CCNJ: variants seen among roughly 807,000 people sequenced by gnomAD.
CCNJ encodes cyclin-J.
In CCNJ, 12 loss-of-function variants were observed where a neutral mutation model predicts 41.4. That is an observed-to-expected ratio of 0.29 (90% confidence interval 0.19 to 0.47). The LOEUF (loss-of-function observed/expected upper bound fraction) is 0.47, where lower values mean the gene tolerates loss of function less well. CCNJ is among the 20% of genes least tolerant of loss of function. CCNJ has a pLI of 1.00. For missense variants in CCNJ, 340 were observed against 464.6 expected, an observed-to-expected ratio of 0.73 and a Z score of 2.47; for synonymous variants, 161 against 173.4, an observed-to-expected ratio of 0.93 and a Z score of 0.56.
rs577637894 is a variant in CCNJ, at chr10:96,060,496, G to A, written c.*2255G>A. The A allele has an allele frequency of 1.3e-5, 2 of 152,622 alleles. No individual in the cohort carries two copies. The highest frequency in any genetic ancestry group is 3.9e-4 in the East Asian group (2 of 5,186). 9.5% of individuals were successfully genotyped at this position (152,622 alleles called of 1,614,324 possible). On this transcript the variant is annotated 3_prime_UTR_variant, in exon 6 of 6. Transcript: ENST00000465148. ...ATACCCGGGGTGGGATGGGGTGGTT[G>A]GAGAACCAGAACTATTTTTAAAACA...
chr10:96,044,584 G>A (rs2080309009), intron 2 of CCNJ, 122 bp downstream of exon 2: 4 of 721,748 alleles, frequency 5.5e-6, no homozygotes, highest in Non-Finnish European at 8.0e-6. Flanking sequence ...GAAAAGGCGA[G>A]TTTGCTCATT....
At chr10:96,054,481 T>C (rs1422394427) in intron 3 of CCNJ, among the ~76,000 whole-genome samples, 3 of 152,182 alleles carry the variant, frequency 2.0e-5, no homozygotes, top group Non-Finnish European at 2.9e-5. Flanking sequence ...ACCCCAAGTA[T>C]GGTTATTTAT....
In CCNJ at chr10:96,050,329, C is replaced by A; in HGVS notation, c.143C>A (p.Ala48Asp). ...SLRRYFADLIAIVSNRFTLCP... is the reference protein window; with the variant it reads ...SLRRYFADLIDIVSNRFTLCP... ...AGACGGTATTTTGCTGACTTGATTG[C>A]CATTGTGAGCAATCGCTTCACACTC... The change falls in exon 3 of 6, where the codon GCC becomes GAC. Residue 48 changes from alanine to aspartate, a missense_variant. Physicochemically the swap from Ala to Asp is moderately radical, Grantham distance 126. This residue lies in a region of CCNJ where 137 missense variants were observed against 252.9 expected (regional missense o/e 0.54). Coordinates refer to ENST00000465148, the MANE Select transcript of CCNJ (RefSeq NM_001134375.2). 1 of 1,614,024 alleles carries A rather than the reference C, an allele frequency of 6.2e-7. No homozygotes were observed. Among genetic ancestry groups the A allele is most frequent in the Non-Finnish European group, 8.5e-7 (1 of 1,179,958 alleles).
chr10:96,054,813 T>C (rs1048600458), intron 3 of CCNJ, among the ~76,000 whole-genome samples: 3 of 152,242 alleles, frequency 2.0e-5, no homozygotes, highest in Non-Finnish European at 2.9e-5. Context: ...TTCTTGCTCC[T>C]TGAATTATGA....
intron 3 of CCNJ, among the ~76,000 whole-genome samples, chr10:96,055,627 G>A (rs1349689324): frequency 6.6e-6 from 1 of 152,228 alleles, no homozygotes; most frequent in Non-Finnish European, 1.5e-5. Flanking sequence ...ACATTCTGGG[G>A]CTGGAAAGAG....
intron 2 of CCNJ, among the ~76,000 whole-genome samples, chr10:96,048,151 GTCTGTATGTACCACATTTTA>G (rs2080416912): frequency 1.3e-5 from 2 of 152,146 alleles, no homozygotes; most frequent in Non-Finnish European, 2.9e-5. Flanking sequence ...GTATTCCATG[GTCTGTATGTACCACATTTTA>G]TCCAGTCTAT....
rs762129758 is a variant in CCNJ, at chr10:96,050,420, T to C, written c.234T>C (p.Ser78=). 31 of 1,613,996 alleles carry C rather than the reference T, an allele frequency of 1.9e-5. No homozygotes were observed. In the Admixed American group the frequency reaches 4.5e-4, roughly 23 times the overall value. Residue 78 remains serine, a synonymous_variant, in exon 3 of 6, where the codon TCT becomes TCC. Transcript: ENST00000465148. The part of the protein sequence containing the change: ...LDLFMDRYDI[S]IQQLHLVALS... ...TGTTTATGGACCGCTATGACATCTCTATCCAGCAGCTGCATTTAGTTGCGC... is the reference window on the plus strand; with the variant it reads ...TGTTTATGGACCGCTATGACATCTCCATCCAGCAGCTGCATTTAGTTGCGC...
intron 3 of CCNJ, among the ~76,000 whole-genome samples, chr10:96,050,709 G>C (rs1469525320): frequency 6.6e-6 from 1 of 152,120 alleles, no homozygotes; most frequent in Non-Finnish European, 1.5e-5. Flanking sequence ...GATCTACTAA[G>C]ACAAAATCTA....
At chr10:96,053,238 T>C (rs968120058) in intron 3 of CCNJ, among the ~76,000 whole-genome samples, 1 of 89,782 alleles carries the variant, frequency 1.1e-5, no homozygotes, top group East Asian at 3.7e-4. Flanking sequence ...ATGACCATAG[T>C]GATGGATTCC....
chr10:96,051,865 C>G (rs897012533), intron 3 of CCNJ, among the ~76,000 whole-genome samples: 1 of 152,160 alleles, frequency 6.6e-6, no homozygotes, highest in African/African-American at 2.4e-5. Flanking sequence ...TAGAACCAGG[C>G]TGAATGTAAA....
At chr10:96,056,653 T>C in intron 3 of CCNJ, 48 bp from the exon 4 acceptor site, 1 of 1,387,770 alleles carries the variant, frequency 7.2e-7, no homozygotes, top group South Asian at 1.4e-5. Flanking sequence ...CCAATAATGA[T>C]CACTTGCCTG....
upstream of CCNJ, chr10:96,043,417 A>T: frequency 8.1e-6 from 3 of 371,482 alleles, no homozygotes; most frequent in Non-Finnish European, 1.4e-5. Context: ...GACCGTACCC[A>T]GGCGGGAGCC....
chr10:96,052,669 C>A (rs1419428026), intron 3 of CCNJ, among the ~76,000 whole-genome samples: 2 of 152,166 alleles, frequency 1.3e-5, no homozygotes, highest in Non-Finnish European at 2.9e-5. Flanking sequence ...GTGACTCTTT[C>A]CAGTAATTAG....
chr10:96,057,366 A>T, intron 5 of CCNJ, 119 bp downstream of exon 5: 1 of 825,416 alleles, frequency 1.2e-6, no homozygotes. Flanking sequence ...TTTTGGCAGC[A>T]GTTACTTGCT....
Position 96,057,869 on chromosome 10 carries a change from A to C in CCNJ, c.780A>C (p.Arg260Ser), listed in dbSNP as rs747194039. 6.2e-7 allele frequency: 1 copy of C among 1,614,094 alleles called. No individual in the cohort carries two copies. Among genetic ancestry groups the C allele is most frequent in the Admixed American group, 1.7e-5 (1 of 60,016 alleles). ...ATGTGAAAGAAGCAAACAAACAGAGAGGGCAAGCAGGACCTCAGTCAGCGC... is the reference window on the plus strand; with the variant it reads ...ATGTGAAAGAAGCAAACAAACAGAGCGGGCAAGCAGGACCTCAGTCAGCGC... ...DNDVKEANKQ[R>S]GQAGPQSAQL... Residue 260 changes from arginine (R) to serine (S), a missense_variant, in exon 6 of 6, where the codon AGA becomes AGC. Arg to Ser is a moderately radical substitution (Grantham distance 110). Around this residue, in one of 3 missense-constraint regions of CCNJ, gnomAD observed 159 missense variants for 168.2 expected, o/e 0.95. Coordinates refer to ENST00000465148, the MANE Select transcript of CCNJ (RefSeq NM_001134375.2).
intron 3 of CCNJ, among the ~76,000 whole-genome samples, chr10:96,055,054 A>G (rs917906787): frequency 6.6e-6 from 1 of 152,138 alleles, no homozygotes; most frequent in Non-Finnish European, 1.5e-5. Flanking sequence ...TTTTCAGGCA[A>G]TAAGCTGGAT....
At chr10:96,049,481 C>CTTTTTTTTTTTTTTTTTTTT (rs150769179) in intron 2 of CCNJ, among the ~76,000 whole-genome samples, 4 of 108,312 alleles carry the variant, frequency 3.7e-5, no homozygotes, top group Admixed American at 9.9e-5. Context: ...TTTTCTTTTT[C>CTTTTTTTTTTTTTTTTTTTT]TTTTTTTTTT....
chr10:96,048,675 G>A (rs1029241518), intron 2 of CCNJ, among the ~76,000 whole-genome samples: 4 of 152,126 alleles, frequency 2.6e-5, no homozygotes, highest in Non-Finnish European at 5.9e-5. Context: ...AACTCATTAA[G>A]TGGAATCATA....
At chr10:96,049,104 TTTG>T (rs1564702577) in intron 2 of CCNJ, among the ~76,000 whole-genome samples, 2 of 152,206 alleles carry the variant, frequency 1.3e-5, no homozygotes, top group African/African-American at 4.8e-5. Flanking sequence ...TTTGTTTTGT[TTTG>T]TTTTGTTTTT....
Sources: gnomAD v4.1 joint callset for allele counts (sites outside exome capture counted in the v4.1 genomes callset) on GRCh38, gnomAD v4.1.1 for gene constraint, gnomAD v4.1.1 regional missense constraint, MANE v1.5 for transcripts, NCBI Gene and HGNC (gene_info 2026-07-23, HGNC 2026-07-21) for gene names.